KCNA2: variants seen among roughly 807,000 people sequenced by gnomAD.
KCNA2 encodes the protein potassium voltage-gated channel subfamily A member 2.
KCNA2 carries 11 observed loss-of-function variants against 33.4 expected under a neutral mutation model. That is an observed-to-expected ratio of 0.33 (90% CI 0.21 to 0.55). KCNA2 has a LOEUF of 0.55. KCNA2 is among the 20% of genes least tolerant of loss of function. The probability of loss-of-function intolerance (pLI) is 0.93; values close to 1 mark genes in which losing one functional copy is unlikely to be tolerated. For synonymous variants in KCNA2, 222 were observed against 231.3 expected (o/e 0.96, Z 0.37); for missense variants, 291 against 621.6 (o/e 0.47, Z 5.66).
chr1:110,629,429 A>G (rs1457316446), intron 1 of KCNA2, among the ~76,000 whole-genome samples: 1 of 152,236 alleles, frequency 6.6e-6, no homozygotes, highest in Non-Finnish European at 1.5e-5. Flanking sequence ...ACATAAATGG[A>G]GGTGCCACTG....
Position 110,597,737 on chromosome 1 carries a change from T to C in KCNA2, c.*5546A>G, listed in dbSNP as rs374922098. On this transcript the variant is annotated 3_prime_UTR_variant, in exon 3 of 3. Transcript: ENST00000316361. ...TAATCCAGGTACTATCTATCACTTT[T>C]CAGTCCTGAGAGCAAGATTTTGAAA... 5 of 985,280 alleles carry C rather than the reference T, an allele frequency of 5.1e-6. No homozygotes were observed. In the East Asian group the frequency reaches 4.5e-4, roughly 89 times the overall value. 61.0% of individuals were successfully genotyped at this position (985,280 alleles called of 1,614,324 possible). A position where few individuals can be genotyped will look rare whatever the true frequency, so the allele number is the denominator to read the frequency against.
rs1052619980 is a variant in KCNA2, at chr1:110,598,247, G to A, written c.*5036C>T. On this transcript the variant is annotated 3_prime_UTR_variant, in exon 3 of 3. Transcript: ENST00000316361. ...CACATACAAGTTATTATGACAATGG[G>A]CCCCAGGAAAGCTCTGGGGAGCAGA... The A allele has an allele frequency of 5.3e-5, 30 of 560,762 alleles. No individual in the cohort carries two copies. The Middle Eastern group carries it at 2.7e-3, about 50-fold the overall frequency. 34.7% of individuals were successfully genotyped at this position (560,762 alleles called of 1,614,324 possible). A position where few individuals can be genotyped will look rare whatever the true frequency, so the allele number is the denominator to read the frequency against.
In KCNA2 at chr1:110,603,238, T is replaced by C. The variant is rs752368797; in HGVS notation, c.*45A>G. ...CTACAATGCAGGCTATTATGCAACA[T>C]CTGCATTAGTTCCATTGAGCTGTGA... On this transcript the variant is annotated 3_prime_UTR_variant, in exon 3 of 3. Transcript: ENST00000316361. The surrounding 1 kb of genome is among the most constrained non-coding windows in gnomAD (Gnocchi z 5.7). The C allele has an allele frequency of 8.4e-6, 13 of 1,555,178 alleles. No homozygotes were observed. Among genetic ancestry groups the C allele is most frequent in the Admixed American group, 3.8e-5 (2 of 52,982 alleles).
At chr1:110,625,426 T>TAGCC (rs1205724132) in intron 1 of KCNA2, among the ~76,000 whole-genome samples, 1 of 152,116 alleles carries the variant, frequency 6.6e-6, no homozygotes, top group Non-Finnish European at 1.5e-5. Context: ...GACTACTGAG[T>TAGCC]AGCCACACCA....
In KCNA2 at chr1:110,619,621, G is replaced by C. The variant is rs532572312; in HGVS notation, c.-496+11774C>G. On this transcript the variant is annotated intron_variant, in intron 1 of 4. Transcript: ENST00000369770. ...AACGCCCACGCAGCAGGGAGAGACC[G>C]GGAGTGGACAGCCACAGGCAGGGCT... Among the ~76,000 whole-genome samples the C allele has an allele frequency of 2.0e-4, 30 of 152,378 alleles. No individual in the cohort carries two copies. In the South Asian group the frequency reaches 6.2e-3, roughly 32 times the overall value.
chr1:110,626,722 A>T (rs1234008993), intron 1 of KCNA2, among the ~76,000 whole-genome samples: 1 of 152,190 alleles, frequency 6.6e-6, no homozygotes, highest in African/African-American at 2.4e-5. Flanking sequence ...TGTCCTCAAG[A>T]GTCTTAATTT....
rs559917034 is a variant in KCNA2 at position 110,598,737 on chromosome 1, G to A, written c.*4546C>T. The A allele has an allele frequency of 3.0e-5, 30 of 985,348 alleles. No individual in the cohort carries two copies. The South Asian group carries it at 1.3e-3, about 42-fold the overall frequency. 61.0% of individuals were successfully genotyped at this position (985,348 alleles called of 1,614,324 possible). A position where few individuals can be genotyped will look rare whatever the true frequency, so the allele number is the denominator to read the frequency against. On this transcript the variant is annotated 3_prime_UTR_variant, in exon 3 of 3. Transcript: ENST00000316361. ...GCCAACACTAGCCTCAGAAACACAG[G>A]TGAGAGGGACAGAGGCAAGCAGAGA...
rs1456221594 is a variant in KCNA2, at chr1:110,601,022, T to C, written c.*2261A>G. 1.0e-6 allele frequency: 1 copy of C among 985,442 alleles called. No homozygotes were observed. Among genetic ancestry groups the C allele is most frequent in the African/African-American group, 1.7e-5 (1 of 57,254 alleles). 61.0% of individuals were successfully genotyped at this position (985,442 alleles called of 1,614,324 possible). On this transcript the variant is annotated 3_prime_UTR_variant, in exon 3 of 3. Coordinates refer to ENST00000316361, the MANE Select transcript of KCNA2 (RefSeq NM_004974.4). ...CGTCAAAAGGCAAAGACGCCCAGTC[T>C]GGTGAGTTAAAAGCCCCCTACCTGA...
In KCNA2 at chr1:110,603,535, G is replaced by A; in HGVS notation, c.1248C>T (p.Phe416=). Residue 416 remains phenylalanine, a synonymous_variant, in exon 3 of 3, where the codon TTC becomes TTT. Coordinates refer to ENST00000316361, the MANE Select transcript of KCNA2 (RefSeq NM_004974.4). The surrounding 1 kb of genome is among the most constrained non-coding windows in gnomAD (Gnocchi z 5.7). ...CCTCTCCCTCTGTCTCCCGGTGGTA[G>A]AAGTAGTTGAAATTGGACACAATGA... ...VPVIVSNFNY[F]YHRETEGEEQ... is the part of the protein sequence containing the mutation. The A allele has an allele frequency of 1.2e-6, 2 of 1,614,086 alleles. No homozygotes were observed. The highest frequency in any genetic ancestry group is 2.2e-5 in the East Asian group (1 of 44,884).
chr1:110,593,662 T>C lies in KCNA2; in HGVS notation c.*9621A>G, dbSNP rs1648961290. The C allele has an allele frequency of 1.3e-5, 5 of 390,268 alleles. No homozygotes were observed. The South Asian group carries it at 5.0e-4, about 39-fold the overall frequency. The allele number at this position is 390,268 out of a possible 1,614,324, so 24.2% of individuals were successfully genotyped here. Reference sequence around the variant, plus strand: ...CCAGTAATATATATTTATATACTTATTTACTTGTGTCAATATTTACAAAAG... The same window carrying C: ...CCAGTAATATATATTTATATACTTACTTACTTGTGTCAATATTTACAAAAG... On this transcript the variant is annotated 3_prime_UTR_variant, in exon 3 of 3. Transcript: ENST00000316361.
Position 110,597,088 on chromosome 1 carries a change from C to A in KCNA2, c.*6195G>T, listed in dbSNP as rs1420297588. On this transcript the variant is annotated 3_prime_UTR_variant, in exon 3 of 3. Coordinates refer to ENST00000316361, the MANE Select transcript of KCNA2 (RefSeq NM_004974.4). ...TTCTACTGAAACCCACAAGAACCTG[C>A]TTCCTTCTGCAGCTCTCACGGAGTC... 2.0e-6 allele frequency: 2 copies of A among 985,362 alleles called. No homozygotes were observed. Among genetic ancestry groups the A allele is most frequent in the East Asian group, 2.3e-4 (2 of 8,828 alleles). The allele number at this position is 985,362 out of a possible 1,614,324, so 61.0% of individuals were successfully genotyped here.
At chr1:110,605,804 T>C (rs1278329897) in intron 1 of KCNA2, 82 bp from the exon 2 acceptor site, 1 of 152,280 alleles carries the variant, frequency 6.6e-6, no homozygotes, top group Non-Finnish European at 1.5e-5. Flanking sequence ...GCAGCTTCCC[T>C]CATGGGAGGT....
rs1217532156 is a variant in KCNA2 at position 110,603,024 on chromosome 1, C to A, written c.*259G>T. On this transcript the variant is annotated 3_prime_UTR_variant, in exon 3 of 3. Coordinates refer to ENST00000316361, the MANE Select transcript of KCNA2 (RefSeq NM_004974.4). The surrounding 1 kb of genome is among the most constrained non-coding windows in gnomAD (Gnocchi z 5.7). ...TGTATGGGATATGAGGTGGCCTCAACGTGTCTATCTGAAATCCTAGCTTGA... is the reference window on the plus strand; with the variant it reads ...TGTATGGGATATGAGGTGGCCTCAAAGTGTCTATCTGAAATCCTAGCTTGA... The A allele has an allele frequency of 7.4e-7, 1 of 1,347,486 alleles. No homozygotes were observed. Among genetic ancestry groups the A allele is most frequent in the South Asian group, 1.8e-5 (1 of 56,106 alleles). 83.5% of individuals were successfully genotyped at this position (1,347,486 alleles called of 1,614,324 possible).
chr1:110,603,859 G>A lies in KCNA2; in HGVS notation c.924C>T (p.Ser308=). ...GAATCTGGAGACCTTTGGAGTGTCT[G>A]GACAACTTGAAAATCCTAAAGACTC... ...LVRVFRIFKL[S]RHSKGLQILG... The change falls in exon 3 of 3, where the codon TCC becomes TCT. Residue 308 remains serine (S), a synonymous_variant. Transcript: ENST00000316361. The surrounding 1 kb of genome is among the most constrained non-coding windows in gnomAD (Gnocchi z 5.7). 1 of 1,614,156 alleles carries A rather than the reference G, an allele frequency of 6.2e-7. No homozygotes were observed. Among genetic ancestry groups the A allele is most frequent in the South Asian group, 1.1e-5 (1 of 91,076 alleles).
rs1649235469 is a variant in KCNA2 at position 110,599,274 on chromosome 1, A to G, written c.*4009T>C. On this transcript the variant is annotated 3_prime_UTR_variant, in exon 3 of 3. Coordinates refer to ENST00000316361, the MANE Select transcript of KCNA2 (RefSeq NM_004974.4). ...CCTACTTAGGGGAAGAACCAGCTCCAAGAGTAATCCAAAATGGTGGGTAAT... is the reference window on the plus strand; with the variant it reads ...CCTACTTAGGGGAAGAACCAGCTCCGAGAGTAATCCAAAATGGTGGGTAAT... 1.0e-6 allele frequency: 1 copy of G among 983,940 alleles called. No individual in the cohort carries two copies. The allele number at this position is 983,940 out of a possible 1,614,324, so 61.0% of individuals were successfully genotyped here.
intron 1 of KCNA2, among the ~76,000 whole-genome samples, chr1:110,616,011 C>A (rs1009856247): frequency 2.0e-5 from 3 of 152,210 alleles, no homozygotes; most frequent in African/African-American, 7.2e-5. Flanking sequence ...AAGAGCCTCA[C>A]CAATTCAGAA....
chr1:110,622,107 C>T (rs555596660), intron 1 of KCNA2, among the ~76,000 whole-genome samples: 10 of 152,062 alleles, frequency 6.6e-5, no homozygotes, highest in East Asian at 5.8e-4. Context: ...CGAATAAAGA[C>T]GTATGAAATC....
At chr1:110,615,631 A>C (rs1311274257) in intron 1 of KCNA2, among the ~76,000 whole-genome samples, 2 of 152,188 alleles carry the variant, frequency 1.3e-5, no homozygotes, top group African/African-American at 4.8e-5. Flanking sequence ...AGCAACAGTG[A>C]TGCTTTGGTG....
In KCNA2 at chr1:110,593,736, G is replaced by T; in HGVS notation, c.*9547C>A. Reference sequence around the variant, plus strand: ...TGTACACCCATGATCAGGTGGACAGGCAATGTTCATTGAGGCACATATGTA... The same window carrying T: ...TGTACACCCATGATCAGGTGGACAGTCAATGTTCATTGAGGCACATATGTA... On this transcript the variant is annotated 3_prime_UTR_variant, in exon 3 of 3. Transcript: ENST00000316361. The T allele has an allele frequency of 1.3e-6, 1 of 766,232 alleles. No homozygotes were observed. The highest frequency in any genetic ancestry group is 2.0e-6 in the Non-Finnish European group (1 of 506,424). 47.5% of individuals were successfully genotyped at this position (766,232 alleles called of 1,614,324 possible). A position where few individuals can be genotyped will look rare whatever the true frequency, so the allele number is the denominator to read the frequency against.
Sources: allele counts gnomAD v4.1 joint callset (sites outside exome capture counted in the v4.1 genomes callset), GRCh38; gene constraint gnomAD v4.1.1; non-coding constraint Gnocchi (gnomAD v3.1); transcripts MANE v1.5; gene names NCBI Gene and HGNC (gene_info 2026-07-23, HGNC 2026-07-21).